Variants in NXN observed in about 807,000 individuals in gnomAD.
The protein encoded by NXN is nucleoredoxin 1.
In NXN, 16 loss-of-function variants were observed where a neutral mutation model predicts 48.6. The ratio of observed to expected loss-of-function variants is 0.33; its 90% CI spans 0.22 to 0.50. The LOEUF (loss-of-function observed/expected upper bound fraction) is 0.50, where lower values mean the gene tolerates loss of function less well. NXN is among the 20% of genes least tolerant of loss of function. The pLI, the probability that NXN is intolerant of heterozygous loss-of-function variation, is 0.98. For synonymous variants in NXN, 281 were observed against 269.6 expected, an observed-to-expected ratio of 1.04 and a Z score of -0.41; for missense variants, 492 against 605.5, an observed-to-expected ratio of 0.81 and a Z score of 1.97.
Position 956,930 on chromosome 17 carries a change from T to C in NXN, c.360+22389A>G, listed in dbSNP as rs1455905186. On this transcript the variant is annotated intron_variant, in intron 1 of 7. Coordinates refer to ENST00000336868, the MANE Select transcript of NXN (RefSeq NM_022463.5). This position sits in a 1 kb window ranked among gnomAD's most constrained non-coding sequence, Gnocchi z 4.1. ...GAGCTCCTGCGGGCAACTCCAGCCC[T>C]TTTAGAACCAATACCATGGTCATCA... Among the ~76,000 whole-genome samples the C allele has an allele frequency of 6.6e-6, 1 of 152,156 alleles. No individual in the cohort carries two copies. Among genetic ancestry groups the C allele is most frequent in the East Asian group, 1.9e-4 (1 of 5,192 alleles).
intron 1 of NXN, among the ~76,000 whole-genome samples, chr17:977,674 A>T (rs1453187575): frequency 6.6e-6 from 1 of 152,374 alleles, no homozygotes; most frequent in East Asian, 1.9e-4. Flanking sequence ...GGATAAGGAC[A>T]TTATTTTAAG....
At chr17:899,231 T>G (rs999894420) in intron 1 of NXN, among the ~76,000 whole-genome samples, 4 of 152,168 alleles carry the variant, frequency 2.6e-5, no homozygotes, top group Admixed American at 2.0e-4. Context: ...GTGCTGGGAT[T>G]ACAGGCGTGA....
intron 1 of NXN, among the ~76,000 whole-genome samples, chr17:972,193 TC>T (rs2069391500): frequency 6.6e-6 from 1 of 151,982 alleles, no homozygotes; most frequent in African/African-American, 2.4e-5. Flanking sequence ...TCCCAGCTAC[TC>T]GGGAGGCTGA....
At chr17:918,522 G>A (rs1027369071) in intron 1 of NXN, among the ~76,000 whole-genome samples, 4 of 152,214 alleles carry the variant, frequency 2.6e-5, no homozygotes, top group South Asian at 2.1e-4. Context: ...GAGGCCGGGC[G>A]CAGTGGCTCA....
At chr17:831,704 T>C (rs776419899) in intron 1 of NXN, among the ~76,000 whole-genome samples, 33 of 151,848 alleles carry the variant, frequency 2.2e-4, no homozygotes, top group Non-Finnish European at 3.5e-4. Context: ...TTCACCCTGT[T>C]GGCCAGGCTG....
rs572846121 is a variant in NXN, at chr17:920,371, G to A, written c.360+58948C>T. 2.0e-4 allele frequency among the ~76,000 whole-genome samples: 30 copies of A among 151,864 alleles called. 1 individual carries two copies. The South Asian group carries it at 2.3e-3, about 12-fold the overall frequency. On this transcript the variant is annotated intron_variant, in intron 1 of 7. Transcript: ENST00000336868. The surrounding 1 kb of genome is among the most constrained non-coding windows in gnomAD (Gnocchi z 4.6). ...CCCATGTGGCTCTCCTCCCAGCCCC[G>A]AGCGCCTGGGGATACCTAGGCCCTC... is the stretch of plus-strand genomic sequence containing the variant.
chr17:842,012 T>C (rs1212838707), intron 1 of NXN, among the ~76,000 whole-genome samples: 2 of 152,096 alleles, frequency 1.3e-5, no homozygotes, highest in Non-Finnish European at 2.9e-5. Context: ...GGCGCATGTC[T>C]GTAACCCCAG....
chr17:871,150 C>T (rs1461213657), intron 1 of NXN, among the ~76,000 whole-genome samples: 1 of 152,048 alleles, frequency 6.6e-6, no homozygotes, highest in Non-Finnish European at 1.5e-5. Context: ...CGTGAGCCAC[C>T]GTGCCCGGCT....
At chr17:934,906 A>G (rs1292363615) in intron 1 of NXN, among the ~76,000 whole-genome samples, 2 of 152,146 alleles carry the variant, frequency 1.3e-5, no homozygotes, top group African/African-American at 4.8e-5. Flanking sequence ...CTTTTAGCCC[A>G]GTCCCAAGCG....
Position 806,906 on chromosome 17 carries a change from TCA to T in NXN, c.821-1661_821-1660del, listed in dbSNP as rs1567808730. 2.1e-5 allele frequency among the ~76,000 whole-genome samples: 3 copies of T among 146,092 alleles called. No individual in the cohort carries two copies. In the Admixed American group the frequency reaches 2.1e-4, roughly 10 times the overall value. On this transcript the variant is annotated intron_variant, in intron 5 of 7. Coordinates refer to ENST00000336868, the MANE Select transcript of NXN (RefSeq NM_022463.5). ...GCTCTTGAGAACAGCCACTCCGACA[TCA>T]CACACACTCACATACACACACACAC...
chr17:853,723 A>ATATATATATATATATATATATATATTTT (rs1491528474), intron 1 of NXN, among the ~76,000 whole-genome samples: 1 of 106,002 alleles, frequency 9.4e-6, no homozygotes, highest in African/African-American at 4.3e-5. Flanking sequence ...ATATATATAT[A>ATATATATATATATATATATATATATTTT]TTTTTTTTTT....
chr17:957,927 T>C (rs1182030836), intron 1 of NXN, among the ~76,000 whole-genome samples: 1 of 152,104 alleles, frequency 6.6e-6, no homozygotes, highest in African/African-American at 2.4e-5. Context: ...GAATGTATGT[T>C]CCTGGGGCTC....
chr17:938,553 AG>A (rs1392419701), intron 1 of NXN, among the ~76,000 whole-genome samples: 1 of 149,512 alleles, frequency 6.7e-6, no homozygotes, highest in Non-Finnish European at 1.5e-5. Flanking sequence ...CTTAGTGACG[AG>A]CCCCTGTAGT....
At position 916,855 on chromosome 17, in the gene NXN, G is replaced by A. The variant is rs1318876438; in HGVS notation, c.360+62464C>T. On this transcript the variant is annotated intron_variant, in intron 1 of 7. Coordinates refer to ENST00000336868, the MANE Select transcript of NXN (RefSeq NM_022463.5). The stretch of plus-strand genomic sequence containing the variant: ...GGAGGTTGCAGTGAGCTGAGGTTAT[G>A]CCATTGCACTCCGGCCTGGGCAACA... Among the ~76,000 whole-genome samples the A allele has an allele frequency of 2.0e-5, 3 of 152,090 alleles. No individual in the cohort carries two copies. The East Asian group carries it at 5.8e-4, about 29-fold the overall frequency.
rs777784278 is a variant in NXN at position 805,111 on chromosome 17, G to A, written c.957C>T (p.Asn319=). The A allele has an allele frequency of 5.0e-6, 8 of 1,609,812 alleles. No individual in the cohort carries two copies. Among genetic ancestry groups the A allele is most frequent in the South Asian group, 2.2e-5 (2 of 90,272 alleles). Reference sequence around the variant, plus strand: ...AGGGGCCCTCGTTAAGCTGCGCGGCGTTGGAGTCGGAGAGCTCCAGCACGG... The same window carrying A: ...AGGGGCCCTCGTTAAGCTGCGCGGCATTGGAGTCGGAGAGCTCCAGCACGG... ...PKPVLELSDS[N]AAQLNEGPCL... is the part of the protein sequence containing the mutation. The change falls in exon 6 of 8, where the codon AAC becomes AAT. Residue 319 remains asparagine (N), a synonymous_variant. Coordinates refer to ENST00000336868, the MANE Select transcript of NXN (RefSeq NM_022463.5).
At chr17:949,968 A>T (rs2069091273) in intron 1 of NXN, among the ~76,000 whole-genome samples, 1 of 152,090 alleles carries the variant, frequency 6.6e-6, no homozygotes, top group Non-Finnish European at 1.5e-5. Context: ...AATTAGCCCC[A>T]GGTCCTGGTC....
chr17:946,182 C>G (rs930583104), intron 1 of NXN, among the ~76,000 whole-genome samples: 1 of 148,520 alleles, frequency 6.7e-6, no homozygotes, highest in Non-Finnish European at 1.5e-5. Context: ...GTTGCCCAGG[C>G]TGGAGGGCAG....
chr17:961,895 C>G (rs373416302), intron 1 of NXN, among the ~76,000 whole-genome samples: 93 of 152,188 alleles, frequency 6.1e-4, no homozygotes, highest in African/African-American at 2.0e-3. Flanking sequence ...AACACTTTGC[C>G]AGGTGGAGGC....
intron 1 of NXN, among the ~76,000 whole-genome samples, chr17:952,029 T>A (rs916079241): frequency 6.6e-6 from 1 of 152,144 alleles, no homozygotes. Context: ...CGCTCCCTCA[T>A]GGCCAGCGCT....
Sources: gnomAD v4.1 joint callset for allele counts (sites outside exome capture counted in the v4.1 genomes callset) on GRCh38, gnomAD v4.1.1 for gene constraint, Gnocchi (gnomAD v3.1) non-coding constraint, MANE v1.5 for transcripts, NCBI Gene and HGNC (gene_info 2026-07-23, HGNC 2026-07-21) for gene names.